BAALC: variants seen among roughly 807,000 people sequenced by gnomAD.
The protein encoded by BAALC is brain and acute leukemia cytoplasmic protein.
In BAALC, 9 loss-of-function variants were observed where a neutral mutation model predicts 15.5. The ratio of observed to expected loss-of-function variants is 0.58; its 90% CI spans 0.35 to 1.02. The LOEUF (loss-of-function observed/expected upper bound fraction) is 1.02. Ranked by LOEUF, BAALC falls within the 50% of genes least tolerant of loss-of-function variation. The pLI is 0.02. For missense variants in BAALC, 201 were observed against 192.4 expected (o/e 1.04, Z -0.27); for synonymous variants, 80 against 74.6 (o/e 1.07, Z -0.37).
intron 1 of BAALC, among the ~76,000 whole-genome samples, chr8:103,149,867 CCCCCT>C (rs1563633974): frequency 6.6e-6 from 1 of 152,156 alleles, no homozygotes; most frequent in African/African-American, 2.4e-5. Flanking sequence ...CCTCTTACCT[CCCCCT>C]CAAGCCCCCA....
chr8:103,191,655 A>G (rs947558825), intron 1 of BAALC, among the ~76,000 whole-genome samples: 2 of 152,090 alleles, frequency 1.3e-5, no homozygotes, highest in African/African-American at 4.8e-5. Flanking sequence ...CAGATCACAC[A>G]AGCAGGTTAC....
At chr8:103,217,572 A>G (rs1297965381) in intron 2 of BAALC, among the ~76,000 whole-genome samples, 3 of 151,954 alleles carry the variant, frequency 2.0e-5, no homozygotes, top group South Asian at 2.1e-4. Flanking sequence ...TTGCACCCCT[A>G]TATGAGCTAC....
chr8:103,165,658 G>A (rs1046278674), intron 1 of BAALC: 3 of 152,158 alleles, frequency 2.0e-5, no homozygotes, highest in Non-Finnish European at 4.4e-5. Context: ...ATAAGATGGA[G>A]ATTTATGACT....
At chr8:103,203,113 C>T (rs915244715) in intron 1 of BAALC, among the ~76,000 whole-genome samples, 2 of 152,166 alleles carry the variant, frequency 1.3e-5, no homozygotes, top group South Asian at 2.1e-4. Context: ...TTCCAGTTGT[C>T]GGTGTCAGCA....
intron 1 of BAALC, among the ~76,000 whole-genome samples, chr8:103,162,936 G>A (rs1374074398): frequency 6.6e-6 from 1 of 152,068 alleles, no homozygotes; most frequent in Non-Finnish European, 1.5e-5. Context: ...AGTCTCACTG[G>A]GGAGAAGCAA....
intron 1 of BAALC, among the ~76,000 whole-genome samples, chr8:103,176,066 T>C (rs1004967654): frequency 1.3e-5 from 2 of 152,164 alleles, no homozygotes; most frequent in Non-Finnish European, 2.9e-5. Context: ...ACTTTTGGAA[T>C]TCACTGGCCA....
chr8:103,229,733 A>G lies in BAALC; in HGVS notation c.*1634A>G, dbSNP rs1471814956. On this transcript the variant is annotated 3_prime_UTR_variant, in exon 3 of 3. Transcript: ENST00000309982. Reference sequence around the variant, plus strand: ...TTTGTGTCTTAAACTAGGTGTTCTAATCAATGTACAAGACTTTACCATACA... The same window carrying G: ...TTTGTGTCTTAAACTAGGTGTTCTAGTCAATGTACAAGACTTTACCATACA... 2 of 152,220 alleles carry G rather than the reference A, an allele frequency of 1.3e-5. No homozygotes were observed. The highest frequency in any genetic ancestry group is 2.9e-5 in the Non-Finnish European group (2 of 68,034). The allele number at this position is 152,220 out of a possible 1,614,324, so 9.4% of individuals were successfully genotyped here. A position where few individuals can be genotyped will look rare whatever the true frequency, so the allele number is the denominator to read the frequency against.
rs142883137 is a variant in BAALC, at chr8:103,161,011, T to G, written c.160+19954T>G. Among the ~76,000 whole-genome samples, 3 of 152,272 alleles carry G rather than the reference T, an allele frequency of 2.0e-5. No individual in the cohort carries two copies. In the East Asian group the frequency reaches 5.8e-4, roughly 29 times the overall value. On this transcript the variant is annotated intron_variant, in intron 1 of 2. Coordinates refer to ENST00000309982, the MANE Select transcript of BAALC (RefSeq NM_024812.3). ...TCCTTCAATCCAATCAAGTTGACAC[T>G]CAGTATTAACCATCACAGTGGTTAA... is the stretch of plus-strand genomic sequence containing the variant.
At chr8:103,175,725 T>C (rs1435197265) in intron 1 of BAALC, among the ~76,000 whole-genome samples, 1 of 152,236 alleles carries the variant, frequency 6.6e-6, no homozygotes, top group East Asian at 1.9e-4. Flanking sequence ...GCAGTCTCAC[T>C]GGAGCAAAGA....
chr8:103,148,637 T>G (rs1246265139), intron 1 of BAALC, among the ~76,000 whole-genome samples: 2 of 152,216 alleles, frequency 1.3e-5, no homozygotes, highest in African/African-American at 2.4e-5. Context: ...TTCTGCCTTT[T>G]TTTGTTTGTT....
chr8:103,154,268 T>C (rs1459545200), intron 1 of BAALC, among the ~76,000 whole-genome samples: 1 of 152,118 alleles, frequency 6.6e-6, no homozygotes, highest in Non-Finnish European at 1.5e-5. Context: ...TGTCTAAATG[T>C]ACACGGGCTG....
chr8:103,165,355 A>G (rs1286563059), intron 1 of BAALC, among the ~76,000 whole-genome samples: 3 of 152,206 alleles, frequency 2.0e-5, no homozygotes, highest in African/African-American at 7.2e-5. Context: ...CAAATGCAGT[A>G]TGGTCCCCTT....
chr8:103,207,677 G>A (rs887508109), intron 1 of BAALC, among the ~76,000 whole-genome samples: 6 of 152,162 alleles, frequency 3.9e-5, no homozygotes, highest in African/African-American at 9.6e-5. Flanking sequence ...GGTGGGAGGC[G>A]GTGACAGAGA....
intron 1 of BAALC, among the ~76,000 whole-genome samples, chr8:103,189,053 G>T (rs1237922194): frequency 1.3e-5 from 2 of 152,134 alleles, no homozygotes; most frequent in Non-Finnish European, 2.9e-5. Context: ...ATAGTAGTGA[G>T]GCTTAAATAA....
intron 1 of BAALC, among the ~76,000 whole-genome samples, chr8:103,176,218 G>T (rs1811602352): frequency 6.6e-6 from 1 of 152,070 alleles, no homozygotes; most frequent in African/African-American, 2.4e-5. Flanking sequence ...TCACAAGAAA[G>T]GCTCTCTCAC....
intron 1 of BAALC, among the ~76,000 whole-genome samples, chr8:103,194,984 A>G (rs931520039): frequency 2.6e-5 from 4 of 152,114 alleles, no homozygotes; most frequent in Non-Finnish European, 5.9e-5. Context: ...TTTGGAGGGG[A>G]GACAAACATT....
chr8:103,144,210 G>A (rs1028876596), intron 1 of BAALC, among the ~76,000 whole-genome samples: 2 of 152,198 alleles, frequency 1.3e-5, no homozygotes, highest in African/African-American at 4.8e-5. Context: ...ACTGCAGGGA[G>A]GGGGCATGTT....
In BAALC at chr8:103,213,055, C is replaced by A; in HGVS notation, c.297C>A (p.Thr99=). 1 of 1,614,072 alleles carries A rather than the reference C, an allele frequency of 6.2e-7. No individual in the cohort carries two copies. The highest frequency in any genetic ancestry group is 8.5e-7 in the Non-Finnish European group (1 of 1,179,972). ...NPQSLSSGPL[T]QKQNGLQTTE... Reference sequence around the variant, plus strand: ...AGAGCCTCAGCTCAGGCCCTCTGACCCAGAAACAGAATGGCCTTCAGACCA... The same window carrying A: ...AGAGCCTCAGCTCAGGCCCTCTGACACAGAAACAGAATGGCCTTCAGACCA... Residue 99 remains threonine, a synonymous_variant, in exon 2 of 3, where the codon ACC becomes ACA. Transcript: ENST00000309982.
intron 1 of BAALC, among the ~76,000 whole-genome samples, chr8:103,147,887 C>T (rs1424634117): frequency 1.3e-5 from 2 of 152,172 alleles, no homozygotes; most frequent in Admixed American, 1.3e-4. Flanking sequence ...TACCCTGAGC[C>T]CAATCATGAT....
Sources: allele counts gnomAD v4.1 joint callset (sites outside exome capture counted in the v4.1 genomes callset), GRCh38; gene constraint gnomAD v4.1.1; transcripts MANE v1.5; gene names NCBI Gene and HGNC (gene_info 2026-07-23, HGNC 2026-07-21).